Variants in CACNA1E observed in about 807,000 individuals in gnomAD.
The protein encoded by CACNA1E is voltage-dependent R-type calcium channel subunit alpha-1E.
CACNA1E carries 40 observed loss-of-function variants against 259.2 expected under a neutral mutation model. The ratio of observed to expected loss-of-function variants is 0.15; its 90% CI spans 0.12 to 0.20. CACNA1E has a LOEUF of 0.20. Ranked by LOEUF, CACNA1E falls within the 10% of genes least tolerant of loss-of-function variation. The probability of loss-of-function intolerance (pLI) is 1.00; values close to 1 mark genes in which losing one functional copy is unlikely to be tolerated. For missense variants in CACNA1E, 1,874 were observed against 3,040.1 expected (o/e 0.62, Z 9.02); for synonymous variants, 1,104 against 1,138.5 (o/e 0.97, Z 0.61).
chr1:181,457,428 G>A (rs1390131256), intron 2 of CACNA1E, among the ~76,000 whole-genome samples: 1 of 152,232 alleles, frequency 6.6e-6, no homozygotes, highest in Non-Finnish European at 1.5e-5. Context: ...CTGCAGAGAA[G>A]GGAGAAAATG....
At chr1:181,691,009 C>G (rs1572613311) in intron 7 of CACNA1E, among the ~76,000 whole-genome samples, 2 of 151,970 alleles carry the variant, frequency 1.3e-5, no homozygotes, top group Admixed American at 1.3e-4. Flanking sequence ...CTCACTGCAT[C>G]TATGTATCTG....
chr1:181,712,292 C>A (rs1653451654), intron 8 of CACNA1E, among the ~76,000 whole-genome samples: 1 of 152,180 alleles, frequency 6.6e-6, no homozygotes, highest in Non-Finnish European at 1.5e-5. Context: ...TCTTCATTTT[C>A]TTCCAGAGGA....
intron 3 of CACNA1E, among the ~76,000 whole-genome samples, chr1:181,530,738 A>G (rs909116006): frequency 7.9e-5 from 12 of 152,320 alleles, no homozygotes; most frequent in Non-Finnish European, 8.8e-5. Context: ...GGCCAGTAGC[A>G]TGAGTCATGA....
chr1:181,448,855 A>AGCTGCCTGGGACTCTGCAGAGAG (rs370523759), intron 2 of CACNA1E, among the ~76,000 whole-genome samples: 1 of 152,174 alleles, frequency 6.6e-6, no homozygotes, highest in African/African-American at 2.4e-5. Flanking sequence ...TGCTCATCTC[A>AGCTGCCTGGGACTCTGCAGAGAG]GCTGCCTGGG....
chr1:181,648,072 CTT>C (rs771352261), intron 6 of CACNA1E, among the ~76,000 whole-genome samples: 63 of 152,320 alleles, frequency 4.1e-4, no homozygotes, highest in Non-Finnish European at 8.4e-4. Flanking sequence ...CCATCCTCCT[CTT>C]TTTTCATCCA....
intron 3 of CACNA1E, among the ~76,000 whole-genome samples, chr1:181,517,846 G>A (rs1012510145): frequency 3.3e-5 from 5 of 152,124 alleles, no homozygotes; most frequent in African/African-American, 9.7e-5. Flanking sequence ...GCTAAAGATC[G>A]AGGAAAGCAG....
chr1:181,714,308 A>G (rs1290956755), intron 8 of CACNA1E, among the ~76,000 whole-genome samples: 1 of 152,150 alleles, frequency 6.6e-6, no homozygotes, highest in Non-Finnish European at 1.5e-5. Context: ...GAACAGCCCA[A>G]TGGAAGAGGT....
chr1:181,675,993 T>C (rs2332515), intron 7 of CACNA1E, among the ~76,000 whole-genome samples: 71,991 of 142,510 alleles, frequency 0.51, 18,795 homozygotes, highest in East Asian at 0.76. Context: ...TCAGCTTTAC[T>C]CTTTTCAATG....
chr1:181,323,246 C>T (rs1286007568), intron 1 of CACNA1E, among the ~76,000 whole-genome samples: 1 of 152,134 alleles, frequency 6.6e-6, no homozygotes, highest in African/African-American at 2.4e-5. Context: ...ATGGTTCTTT[C>T]TCTTAAGTGA....
At chr1:181,373,761 G>C (rs1018288379) in intron 1 of CACNA1E, among the ~76,000 whole-genome samples, 1 of 152,032 alleles carries the variant, frequency 6.6e-6, no homozygotes. Context: ...TCCTGACCTT[G>C]TGATCCGCCC....
Position 181,756,156 on chromosome 1 carries a change from G to C in CACNA1E, c.4127+63G>C, listed in dbSNP as rs2102685809. ...ATAGGACCCCTGGTTGCCTTGAGAA[G>C]CTGACTCAAGATGAACAAGGCTCAC... On this transcript the variant is annotated intron_variant, in intron 29 of 47. Coordinates refer to ENST00000367573, the MANE Select transcript of CACNA1E (RefSeq NM_001205293.3). The C allele has an allele frequency of 2.7e-6, 4 of 1,498,014 alleles. No homozygotes were observed. In the East Asian group the frequency reaches 7.1e-5, roughly 27 times the overall value. The allele number at this position is 1,498,014 out of a possible 1,614,324, so 92.8% of individuals were successfully genotyped here.
chr1:181,634,424 C>G (rs971156351), intron 6 of CACNA1E, among the ~76,000 whole-genome samples: 9 of 152,232 alleles, frequency 5.9e-5, no homozygotes, highest in African/African-American at 2.2e-4. Flanking sequence ...GCGAGACTGT[C>G]TTCCATGCAG....
chr1:181,593,945 C>T (rs1003044049), intron 6 of CACNA1E, among the ~76,000 whole-genome samples: 1 of 152,098 alleles, frequency 6.6e-6, no homozygotes, highest in Non-Finnish European at 1.5e-5. Flanking sequence ...ACCAGAATAG[C>T]ATAATGGAAA....
chr1:181,455,229 T>C (rs1422466745), intron 2 of CACNA1E, among the ~76,000 whole-genome samples: 1 of 152,194 alleles, frequency 6.6e-6, no homozygotes, highest in Non-Finnish European at 1.5e-5. Flanking sequence ...TGGCTCATCC[T>C]TGAAATCTAA....
At chr1:181,689,155 C>CG (rs892107909) in intron 7 of CACNA1E, among the ~76,000 whole-genome samples, 2 of 152,074 alleles carry the variant, frequency 1.3e-5, no homozygotes, top group Non-Finnish European at 2.9e-5. Context: ...TGACAGGCCC[C>CG]GGTGTGTGAT....
Position 181,736,429 on chromosome 1 carries a change from C to T in CACNA1E, c.3417C>T (p.Thr1139=), listed in dbSNP as rs754846794. ...PHSSMFIFST[T]NPIRRACHYI... is the part of the protein sequence containing the mutation. ...GCTCAATGTTCATCTTCAGCACCAC[C>T]AACCCGTAAGCCACCCTCGCGTTGC... Residue 1139 remains threonine, a synonymous_variant, in exon 22 of 48, where the codon ACC becomes ACT. Coordinates refer to ENST00000367573, the MANE Select transcript of CACNA1E (RefSeq NM_001205293.3). 4 of 1,611,910 alleles carry T rather than the reference C, an allele frequency of 2.5e-6. No individual in the cohort carries two copies. In the South Asian group the frequency reaches 3.3e-5, roughly 13 times the overall value.
chr1:181,518,324 T>G (rs1424993212), intron 3 of CACNA1E, among the ~76,000 whole-genome samples: 2 of 152,072 alleles, frequency 1.3e-5, no homozygotes, highest in African/African-American at 4.8e-5. Context: ...GCATCGTTGC[T>G]GGCTGCTCCT....
At chr1:181,380,555 A>G (rs1557956326) in intron 1 of CACNA1E, among the ~76,000 whole-genome samples, 1 of 152,248 alleles carries the variant, frequency 6.6e-6, no homozygotes. Context: ...ACAAAATTTC[A>G]GCAAACTGAA....
intron 12 of CACNA1E, among the ~76,000 whole-genome samples, 165 bp downstream of exon 12, chr1:181,718,332 C>T (rs1027156903): frequency 4.6e-5 from 7 of 152,128 alleles, no homozygotes; most frequent in Non-Finnish European, 7.3e-5. Context: ...GAATCCTTCC[C>T]ATGCAGGGTT....
Sources: allele counts gnomAD v4.1 joint callset (sites outside exome capture counted in the v4.1 genomes callset), GRCh38; gene constraint gnomAD v4.1.1; transcripts MANE v1.5; gene names NCBI Gene and HGNC (gene_info 2026-07-23, HGNC 2026-07-21).